Variants in MCCC2 observed in about 807,000 individuals in gnomAD.
The protein encoded by MCCC2 is methylcrotonoyl-CoA carboxylase beta chain, mitochondrial.
A neutral mutation model predicts 77.2 loss-of-function variants in MCCC2; 52 were observed. The ratio of observed to expected loss-of-function variants is 0.67; its 90% CI spans 0.54 to 0.85. MCCC2 has a LOEUF of 0.85. MCCC2 is among the 40% of genes least tolerant of loss of function. The pLI is 0.00. For synonymous variants in MCCC2, 253 were observed against 248.4 expected, an observed-to-expected ratio of 1.02 and a Z score of -0.18; for missense variants, 682 against 703.2, an observed-to-expected ratio of 0.97 and a Z score of 0.34.
chr5:71,604,326 A>T (rs1004989178), intron 5 of MCCC2, 30 bp from the exon 6 acceptor site: 3 of 1,566,626 alleles, frequency 1.9e-6, no homozygotes, highest in Non-Finnish European at 2.6e-6. Context: ...GTTCATAGAG[A>T]TGCTTATGTT....
intron 1 of MCCC2, among the ~76,000 whole-genome samples, chr5:71,591,926 T>C (rs1366528785): frequency 6.6e-6 from 1 of 152,062 alleles, no homozygotes; most frequent in Non-Finnish European, 1.5e-5. Context: ...AAATTTTTAT[T>C]CTTTTTATTT....
At chr5:71,590,741 C>T (rs557560923) in intron 1 of MCCC2, among the ~76,000 whole-genome samples, 11 of 151,218 alleles carry the variant, frequency 7.3e-5, no homozygotes, top group East Asian at 1.9e-4. Context: ...CGCTTGAACC[C>T]GGGAGGCGGA....
chr5:71,634,553 G>A (rs1746850897), intron 8 of MCCC2, among the ~76,000 whole-genome samples: 1 of 152,156 alleles, frequency 6.6e-6, no homozygotes, highest in African/African-American at 2.4e-5. Context: ...GTCTGTGGTT[G>A]GCCTTCATCA....
intron 6 of MCCC2, among the ~76,000 whole-genome samples, chr5:71,623,522 CAAGAA>C (rs1224476476): frequency 3.9e-5 from 6 of 152,068 alleles, no homozygotes; most frequent in Non-Finnish European, 8.8e-5. Context: ...AGTGAGAAGA[CAAGAA>C]AAGAAAGAGG....
intron 5 of MCCC2, 161 bp downstream of exon 5, chr5:71,602,794 G>A (rs1229114801): frequency 2.8e-6 from 3 of 1,057,972 alleles, no homozygotes; most frequent in South Asian, 3.0e-5. Context: ...AACTCTGGGG[G>A]AAAGTAAACA....
chr5:71,652,598 T>A, intron 15 of MCCC2, 71 bp from the exon 16 acceptor site: 5 of 1,150,404 alleles, frequency 4.3e-6, no homozygotes, highest in Non-Finnish European at 6.5e-6. Flanking sequence ...TTGTTTCTTT[T>A]GAATTGAGAT....
chr5:71,635,555 C>T (rs1482604925), intron 10 of MCCC2: 2 of 392,664 alleles, frequency 5.1e-6, no homozygotes, highest in African/African-American at 2.1e-5. Context: ...GGCAACTTAA[C>T]AATTGTCAGC....
At chr5:71,629,898 G>T (rs1201177943) in intron 7 of MCCC2, among the ~76,000 whole-genome samples, 1 of 152,060 alleles carries the variant, frequency 6.6e-6, no homozygotes, top group Non-Finnish European at 1.5e-5. Context: ...TTTTTGACTA[G>T]AAAATGAGTA....
chr5:71,640,637 G>A (rs988178421), intron 10 of MCCC2, among the ~76,000 whole-genome samples: 1 of 152,094 alleles, frequency 6.6e-6, no homozygotes, highest in African/African-American at 2.4e-5. Context: ...TTAGATTGGA[G>A]CCTGTGTCTT....
At chr5:71,624,238 A>G (rs1371016099) in intron 6 of MCCC2, among the ~76,000 whole-genome samples, 1 of 152,210 alleles carries the variant, frequency 6.6e-6, no homozygotes, top group Admixed American at 6.5e-5. Context: ...CTGCCTCCGC[A>G]TACCATCACT....
intron 2 of MCCC2, among the ~76,000 whole-genome samples, chr5:71,595,997 GA>G (rs910268102): frequency 1.3e-5 from 2 of 152,240 alleles, no homozygotes; most frequent in Admixed American, 1.3e-4. Context: ...GAGCTGCAGA[GA>G]AAATACTCTG....
intron 6 of MCCC2, among the ~76,000 whole-genome samples, chr5:71,623,877 G>A (rs1746445001): frequency 6.6e-6 from 1 of 152,156 alleles, no homozygotes; most frequent in Non-Finnish European, 1.5e-5. Flanking sequence ...AAGTAGATAT[G>A]CTAATAATTT....
intron 10 of MCCC2, chr5:71,635,759 C>T (rs994760920): frequency 1.9e-5 from 4 of 208,270 alleles, no homozygotes; most frequent in African/African-American, 9.4e-5. Flanking sequence ...GGGTTTAGAG[C>T]ATATAGTCTT....
chr5:71,634,388 C>T (rs1746844791), intron 8 of MCCC2, among the ~76,000 whole-genome samples: 1 of 152,222 alleles, frequency 6.6e-6, no homozygotes, highest in African/African-American at 2.4e-5. Context: ...CAAGCCTTTT[C>T]ATTTGTTGCC....
At position 71,646,217 on chromosome 5, in the gene MCCC2, CACTT is replaced by C; in HGVS notation, c.1157_1160del (p.His386LeufsTer51). ...TTATGTTATTTGCTTATAGGGTACT[CACTT>C]TGTCCAGTTATGCTGCCAAAGAAAT... On this transcript the variant is annotated frameshift_variant, in exon 13 of 17. Coordinates refer to ENST00000340941, the MANE Select transcript of MCCC2 (RefSeq NM_022132.5). LOFTEE classifies it high-confidence loss of function. 1 of 1,613,510 alleles carries C rather than the reference CACTT, an allele frequency of 6.2e-7. No individual in the cohort carries two copies. The highest frequency in any genetic ancestry group is 8.5e-7 in the Non-Finnish European group (1 of 1,179,582).
At chr5:71,589,060 A>G (rs1233198517) in intron 1 of MCCC2, among the ~76,000 whole-genome samples, 3 of 152,102 alleles carry the variant, frequency 2.0e-5, no homozygotes, top group Admixed American at 6.6e-5. Context: ...GACAGTGGAG[A>G]GTTGAGTCTT....
chr5:71,648,730 G>C (rs990439677), intron 13 of MCCC2, among the ~76,000 whole-genome samples: 2 of 151,988 alleles, frequency 1.3e-5, no homozygotes, highest in Non-Finnish European at 2.9e-5. Context: ...GCCCAGGCTG[G>C]TCTCAAACAC....
chr5:71,603,656 T>C (rs997398193), intron 5 of MCCC2, among the ~76,000 whole-genome samples: 28 of 152,318 alleles, frequency 1.8e-4, no homozygotes, highest in Non-Finnish European at 7.4e-5. Flanking sequence ...CTGGTCTTTA[T>C]AGGGGATACA....
At chr5:71,653,318 A>C (rs528750868) in intron 16 of MCCC2, among the ~76,000 whole-genome samples, 37 of 151,276 alleles carry the variant, frequency 2.4e-4, no homozygotes, top group Non-Finnish European at 4.9e-4. Context: ...TTCTTACACC[A>C]CTTAATGAGG....
Sources: gnomAD v4.1 joint callset for allele counts (sites outside exome capture counted in the v4.1 genomes callset) on GRCh38, gnomAD v4.1.1 for gene constraint, MANE v1.5 for transcripts, NCBI Gene and HGNC (gene_info 2026-07-23, HGNC 2026-07-21) for gene names.